MEI4: variants seen among roughly 807,000 people sequenced by gnomAD.
MEI4 encodes the protein meiosis-specific protein MEI4.
A neutral mutation model predicts 31.4 loss-of-function variants in MEI4; 27 were observed. The observed-to-expected ratio is 0.86, with a 90% confidence interval of 0.63 to 1.19. The LOEUF is 1.19. Among genes scored for constraint, MEI4 ranks in the 50% most tolerant of loss-of-function variants. The pLI, the probability that MEI4 is intolerant of heterozygous loss-of-function variation, is 0.00. For missense variants in MEI4, 329 were observed against 398.9 expected, an observed-to-expected ratio of 0.82 and a Z score of 1.49; for synonymous variants, 122 against 145.4, an observed-to-expected ratio of 0.84 and a Z score of 1.16.
intron 2 of MEI4, among the ~76,000 whole-genome samples, chr6:77,695,732 G>T (rs996922047): frequency 6.6e-6 from 1 of 152,202 alleles, no homozygotes; most frequent in South Asian, 2.1e-4. Context: ...GCTTAGGATT[G>T]ACTTGGCAAT....
intron 4 of MEI4, among the ~76,000 whole-genome samples, chr6:77,890,097 A>G (rs908447497): frequency 5.3e-5 from 8 of 152,228 alleles, no homozygotes; most frequent in African/African-American, 1.9e-4. Context: ...CCCCATATAC[A>G]GTCTCCACTG....
At chr6:77,918,914 A>G (rs180805640) in intron 4 of MEI4, among the ~76,000 whole-genome samples, 108 of 152,186 alleles carry the variant, frequency 7.1e-4, no homozygotes, top group Non-Finnish European at 1.5e-3. Context: ...ATTCTCATAG[A>G]TAGCACTTAT....
intron 2 of MEI4, among the ~76,000 whole-genome samples, chr6:77,710,088 G>A (rs958075523): frequency 2.0e-5 from 3 of 152,182 alleles, no homozygotes; most frequent in Admixed American, 1.3e-4. Context: ...CTTTAAAGAA[G>A]TGCCTTGCCC....
intron 2 of MEI4, among the ~76,000 whole-genome samples, chr6:77,756,173 G>T (rs1338374849): frequency 6.6e-6 from 1 of 152,062 alleles, no homozygotes; most frequent in East Asian, 1.9e-4. Context: ...CTATGTCCAT[G>T]CTGTATATTA....
intron 2 of MEI4, among the ~76,000 whole-genome samples, chr6:77,745,367 CAAAG>C (rs1197028090): frequency 6.6e-6 from 1 of 152,088 alleles, no homozygotes; most frequent in Non-Finnish European, 1.5e-5. Flanking sequence ...TCAAAAGACA[CAAAG>C]AAGGCCATTA....
intron 3 of MEI4, among the ~76,000 whole-genome samples, chr6:77,803,456 G>C (rs953902997): frequency 2.0e-5 from 3 of 151,938 alleles, no homozygotes; most frequent in South Asian, 2.1e-4. Context: ...TCGTCTGAAG[G>C]CTTCTTCTCT....
intron 4 of MEI4, among the ~76,000 whole-genome samples, chr6:77,841,143 CAT>C (rs1408419935): frequency 6.6e-6 from 1 of 151,432 alleles, no homozygotes; most frequent in Non-Finnish European, 1.5e-5. Flanking sequence ...TATTTAAAAA[CAT>C]ATATGCTGAT....
rs776939971 is a variant in MEI4 at position 77,903,917 on chromosome 6, C to T, written c.901-19172C>T. Among the ~76,000 whole-genome samples, 142 of 152,064 alleles carry T rather than the reference C, an allele frequency of 9.3e-4. 1 individual carries two copies. Among genetic ancestry groups the T allele is most frequent in the Non-Finnish European group, 1.8e-3 (121 of 67,980 alleles). On this transcript the variant is annotated intron_variant, in intron 4 of 4. Transcript: ENST00000684080. The stretch of plus-strand genomic sequence containing the variant: ...TTTATTTGGAATATCTATTTCTATC[C>T]CTCCACTTTCAGTGTATTTGTGTAC...
Position 77,761,179 on chromosome 6 carries a change from T to C in MEI4, c.282T>C (p.Ser94=), listed in dbSNP as rs1413544529. ...CTCAGGAACCTAAGAGTTCTGAAAG[T>C]ACATTAACTTCGATGGAAGATTCTG... is the stretch of plus-strand genomic sequence containing the variant. ...LEAQEPKSSE[S]TLTSMEDSGC... Residue 94 remains serine (S), a synonymous_variant, in exon 3 of 5, where the codon AGT becomes AGC. Coordinates refer to ENST00000684080, the MANE Select transcript of MEI4 (RefSeq NM_001322247.2). The C allele has an allele frequency of 8.1e-7, 1 of 1,232,066 alleles. No individual in the cohort carries two copies. The highest frequency in any genetic ancestry group is 1.0e-6 in the Non-Finnish European group (1 of 987,956). 76.3% of individuals were successfully genotyped at this position (1,232,066 alleles called of 1,614,324 possible).
intron 3 of MEI4, among the ~76,000 whole-genome samples, chr6:77,826,825 A>G (rs970734839): frequency 6.6e-6 from 1 of 152,176 alleles, no homozygotes; most frequent in Non-Finnish European, 1.5e-5. Flanking sequence ...CTTTACAATA[A>G]TTCACGGCTC....
intron 4 of MEI4, among the ~76,000 whole-genome samples, chr6:77,867,479 C>T (rs1350322632): frequency 1.3e-5 from 2 of 152,222 alleles, no homozygotes; most frequent in African/African-American, 2.4e-5. Flanking sequence ...CTCATCATCA[C>T]TGGCCATCAG....
Position 77,724,851 on chromosome 6 carries a change from G to A in MEI4, c.232+33948G>A, listed in dbSNP as rs1346818223. Among the ~76,000 whole-genome samples, 64 of 146,580 alleles carry A rather than the reference G, an allele frequency of 4.4e-4. 1 individual carries two copies. Among genetic ancestry groups the A allele is most frequent in the Non-Finnish European group, 5.9e-4 (39 of 65,996 alleles). On this transcript the variant is annotated intron_variant, in intron 2 of 4. Transcript: ENST00000684080. ...ATTTTGCGTTGACTGAGCCATTACC[G>A]GCTCTGCTACATATTCGCAATGTAA...
At chr6:77,897,212 A>G (rs1766099385) in intron 4 of MEI4, among the ~76,000 whole-genome samples, 1 of 152,052 alleles carries the variant, frequency 6.6e-6, no homozygotes, top group African/African-American at 2.4e-5. Flanking sequence ...ATTCCCCAAA[A>G]GAGTGTTACT....
intron 1 of MEI4, among the ~76,000 whole-genome samples, chr6:77,681,466 C>T (rs1184736730): frequency 6.6e-6 from 1 of 152,196 alleles, no homozygotes; most frequent in African/African-American, 2.4e-5. Flanking sequence ...GTTAATAGTA[C>T]ATATCTGCTC....
At chr6:77,887,457 C>T (rs531927045) in intron 4 of MEI4, among the ~76,000 whole-genome samples, 13 of 151,946 alleles carry the variant, frequency 8.6e-5, no homozygotes, top group Middle Eastern at 3.4e-3. Context: ...CCACCACACC[C>T]GGCTAATTTT....
At chr6:77,737,731 A>G (rs1767289776) in intron 2 of MEI4, among the ~76,000 whole-genome samples, 1 of 152,192 alleles carries the variant, frequency 6.6e-6, no homozygotes, top group Admixed American at 6.5e-5. Flanking sequence ...CCAAAGGGGA[A>G]CAAGGAAAGA....
intron 3 of MEI4, among the ~76,000 whole-genome samples, chr6:77,788,571 C>G (rs1768816442): frequency 6.6e-6 from 1 of 152,096 alleles, no homozygotes; most frequent in South Asian, 2.1e-4. Context: ...GATACAAAAT[C>G]AATGTGCAAA....
At chr6:77,756,612 CCT>C (rs556375226) in intron 2 of MEI4, among the ~76,000 whole-genome samples, 122 of 147,490 alleles carry the variant, frequency 8.3e-4, no homozygotes, top group African/African-American at 2.9e-3. Flanking sequence ...TCCCTCCCTC[CCT>C]CTCTCTCTCC....
At chr6:77,859,006 C>G (rs751126781) in intron 4 of MEI4, among the ~76,000 whole-genome samples, 2 of 151,834 alleles carry the variant, frequency 1.3e-5, no homozygotes, top group African/African-American at 4.8e-5. Context: ...GACCTCTCCT[C>G]TAAGTTCCTT....
Sources: allele counts gnomAD v4.1 joint callset (sites outside exome capture counted in the v4.1 genomes callset), GRCh38; gene constraint gnomAD v4.1.1; transcripts MANE v1.5; gene names NCBI Gene and HGNC (gene_info 2026-07-23, HGNC 2026-07-21).